The following CRY1 variants were observed in gnomAD, a reference collection of about 807,000 sequenced individuals.
CRY1 encodes the protein cryptochrome-1.
Under a neutral mutation model 76.0 loss-of-function variants are expected in CRY1, and 45 were observed. That is an observed-to-expected ratio of 0.59 (90% CI 0.47 to 0.76). The LOEUF is 0.76. Ranked by LOEUF, CRY1 falls within the 30% of genes least tolerant of loss-of-function variation. The pLI is 0.00. For synonymous variants in CRY1, 248 were observed against 244.0 expected, an observed-to-expected ratio of 1.02 and a Z score of -0.15; for missense variants, 587 against 716.4, an observed-to-expected ratio of 0.82 and a Z score of 2.06.
chr12:107,000,054 C>T lies in CRY1; in HGVS notation c.713G>A (p.Arg238Gln), dbSNP rs1008951536. The T allele has an allele frequency of 1.9e-5, 31 of 1,603,832 alleles. No individual in the cohort carries two copies. The highest frequency in any genetic ancestry group is 2.7e-5 in the African/African-American group (2 of 74,366). The change falls in exon 6 of 13, where the codon CGA becomes CAA. Residue 238 changes from arginine to glutamine, a missense_variant. Transcript: ENST00000008527. ...TGCAAGCAGAGAATTCGCATTCATTCGAGGTCTTTCAAAATTTGCCACCCA... is the reference window on the plus strand; with the variant it reads ...TGCAAGCAGAGAATTCGCATTCATTTGAGGTCTTTCAAAATTTGCCACCCA... Reference protein sequence around the residue: ...KAWVANFERPRMNANSLLASP... With the variant: ...KAWVANFERPQMNANSLLASP...
At chr12:107,044,553 T>A (rs138782855) in intron 1 of CRY1, among the ~76,000 whole-genome samples, 5 of 152,270 alleles carry the variant, frequency 3.3e-5, no homozygotes, top group African/African-American at 1.2e-4. Flanking sequence ...TTTAGGAAGT[T>A]TGGAAGAGAC....
intron 1 of CRY1, among the ~76,000 whole-genome samples, chr12:107,022,648 A>T (rs1483823910): frequency 6.6e-6 from 1 of 151,906 alleles, no homozygotes; most frequent in Non-Finnish European, 1.5e-5. Context: ...ATTTAAGAAT[A>T]TCATGGTAAA....
chr12:107,068,960 C>T (rs1449098806), intron 1 of CRY1, among the ~76,000 whole-genome samples: 3 of 152,128 alleles, frequency 2.0e-5, no homozygotes, highest in Non-Finnish European at 4.4e-5. Flanking sequence ...TTTATCCATT[C>T]ATCAGTGGAC....
chr12:107,018,578 C>G (rs1317232889), intron 2 of CRY1, among the ~76,000 whole-genome samples: 1 of 151,748 alleles, frequency 6.6e-6, no homozygotes, highest in East Asian at 1.9e-4. Flanking sequence ...CAGAGCAAGA[C>G]TCTCTCTCAA....
intron 2 of CRY1, among the ~76,000 whole-genome samples, chr12:107,018,506 G>A (rs904274903): frequency 1.3e-5 from 2 of 152,122 alleles, no homozygotes; most frequent in African/African-American, 2.4e-5. Flanking sequence ...AGAATGGCTT[G>A]AGCCTGGAAG....
rs61942407 is a variant in CRY1 at position 107,063,249 on chromosome 12, G to A, written c.158+29555C>T. On this transcript the variant is annotated intron_variant, in intron 1 of 12. Transcript: ENST00000008527. ...ATAGGATTTTTACATCCAAGAAGAGGAGGAAACTTCAAAAATGGCACTAAG... is the reference window on the plus strand; with the variant it reads ...ATAGGATTTTTACATCCAAGAAGAGAAGGAAACTTCAAAAATGGCACTAAG... 1.1e-4 allele frequency among the ~76,000 whole-genome samples: 17 copies of A among 152,242 alleles called. No homozygotes were observed. The South Asian group carries it at 3.5e-3, about 32-fold the overall frequency.
At chr12:107,009,569 T>A (rs377112317) in intron 2 of CRY1, among the ~76,000 whole-genome samples, 17,606 of 47,846 alleles carry the variant, frequency 0.37, 1,916 homozygotes, top group East Asian at 0.62. Context: ...AAAACATATA[T>A]ATATATATAT....
At chr12:107,026,157 A>ATATATATATGTTATATATGTTATATATGT (rs1160937379) in intron 1 of CRY1, among the ~76,000 whole-genome samples, 1 of 75,704 alleles carries the variant, frequency 1.3e-5, no homozygotes, top group South Asian at 4.0e-4. Context: ...TATATATATA[A>ATATATATATGTTATATATGTTATATATGT]AATATATATA....
Position 106,997,969 on chromosome 12 carries a change from CA to C in CRY1, c.1234del (p.Cys412AlafsTer25). The C allele has an allele frequency of 1.2e-6, 2 of 1,614,072 alleles. No homozygotes were observed. The highest frequency in any genetic ancestry group is 4.5e-5 in the East Asian group (2 of 44,870). On this transcript the variant is annotated frameshift_variant, in exon 8 of 13. Transcript: ENST00000008527. LOFTEE classifies it high-confidence loss of function. ...CCTACCAAAACCAACAGGGCAATAG[CA>C]GTGAAAAAACTGTTGAAAAAAGGAA... ...CSSFFQQFFH[C>X]YCPVGFGRRT...
chr12:107,043,532 G>A (rs1342031360), intron 1 of CRY1, among the ~76,000 whole-genome samples: 1 of 152,110 alleles, frequency 6.6e-6, no homozygotes, highest in Non-Finnish European at 1.5e-5. Flanking sequence ...TCTCAGAGCT[G>A]AGCTGATGTA....
At chr12:107,020,525 GTT>G (rs11368690) in intron 2 of CRY1, among the ~76,000 whole-genome samples, 1 of 148,472 alleles carries the variant, frequency 6.7e-6, no homozygotes. Context: ...TGCAAGATCT[GTT>G]TTTTTTTTTG....
intron 1 of CRY1, among the ~76,000 whole-genome samples, chr12:107,074,402 TA>T (rs1393438939): frequency 3.9e-5 from 6 of 152,200 alleles, no homozygotes; most frequent in African/African-American, 1.4e-4. Context: ...TACGTGTCAT[TA>T]AGATATTTAA....
intron 1 of CRY1, among the ~76,000 whole-genome samples, chr12:107,034,138 A>G (rs2136859595): frequency 6.6e-6 from 1 of 152,150 alleles, no homozygotes; most frequent in South Asian, 2.1e-4. Flanking sequence ...TAAAGAAGGT[A>G]GCCAAAACCC....
At chr12:107,031,030 A>C (rs923863677) in intron 1 of CRY1, among the ~76,000 whole-genome samples, 4 of 152,236 alleles carry the variant, frequency 2.6e-5, no homozygotes, top group Non-Finnish European at 5.9e-5. Context: ...ATTCAAATCA[A>C]TGTCAAAACA....
At chr12:107,060,686 T>C (rs912856203) in intron 1 of CRY1, among the ~76,000 whole-genome samples, 1 of 152,176 alleles carries the variant, frequency 6.6e-6, no homozygotes, top group African/African-American at 2.4e-5. Flanking sequence ...TATGACCTTT[T>C]AACTCTTTTT....
chr12:107,087,286 G>T (rs539514157), intron 1 of CRY1, among the ~76,000 whole-genome samples: 1 of 151,892 alleles, frequency 6.6e-6, no homozygotes, highest in African/African-American at 2.4e-5. Context: ...GAAGTGGAAA[G>T]ATTAAAAGAA....
chr12:107,022,313 T>C (rs947010780), intron 1 of CRY1, 121 bp from the exon 2 acceptor site: 5 of 464,650 alleles, frequency 1.1e-5, no homozygotes, highest in African/African-American at 6.1e-5. Flanking sequence ...TTACCTCCTA[T>C]TGATATATAC....
At chr12:107,037,739 C>T (rs930231698) in intron 1 of CRY1, among the ~76,000 whole-genome samples, 7 of 151,928 alleles carry the variant, frequency 4.6e-5, no homozygotes, top group African/African-American at 1.7e-4. Context: ...GAAAGAGTCT[C>T]ACTCTGTTGC....
intron 1 of CRY1, among the ~76,000 whole-genome samples, chr12:107,068,980 G>T (rs1362925988): frequency 1.3e-5 from 2 of 152,130 alleles, no homozygotes; most frequent in Non-Finnish European, 2.9e-5. Flanking sequence ...CAGACATTTA[G>T]GTTGTTTCCA....
Sources: allele counts gnomAD v4.1 joint callset (sites outside exome capture counted in the v4.1 genomes callset), GRCh38; gene constraint gnomAD v4.1.1; transcripts MANE v1.5; gene names NCBI Gene and HGNC (gene_info 2026-07-23, HGNC 2026-07-21).